The following SP140 variants were observed in gnomAD, a reference collection of about 807,000 sequenced individuals.
SP140 encodes nuclear body protein SP140.
Under a neutral mutation model 125.0 loss-of-function variants are expected in SP140, and 81 were observed. The observed-to-expected ratio is 0.65, with a 90% CI of 0.54 to 0.78. SP140 has a LOEUF of 0.78. Ranked by LOEUF, SP140 falls within the 30% of genes least tolerant of loss-of-function variation. The pLI is 0.00. For synonymous variants in SP140, 312 were observed against 354.0 expected (o/e 0.88, Z 1.33); for missense variants, 858 against 1,037.0 (o/e 0.83, Z 2.37).
rs527361399 is a variant in SP140 at position 230,217,592 on chromosome 2, C to T, written c.-91+3518C>T. Among the ~76,000 whole-genome samples, 7 of 152,306 alleles carry T rather than the reference C, an allele frequency of 4.6e-5. No individual in the cohort carries two copies. The East Asian group carries it at 1.3e-3, about 29-fold the overall frequency. ...TAACTTATCTGATTTTCATAAAACC[C>T]TTGCGAGGTGGTTCCTATGACTGCA... On this transcript the variant is annotated intron_variant, in intron 3 of 4. Transcript: ENST00000456542.
the SP140 span, among the ~76,000 whole-genome samples, chr2:230,196,478 A>C: frequency 1.3e-5 from 2 of 152,130 alleles, no homozygotes; most frequent in Non-Finnish European, 2.9e-5. Context: ...TACTTATACA[A>C]AAATAAAGTG....
intron 15 of SP140, among the ~76,000 whole-genome samples, chr2:230,278,066 C>T (rs984122650): frequency 1.3e-5 from 2 of 152,092 alleles, no homozygotes; most frequent in African/African-American, 4.8e-5. Flanking sequence ...ATACTGTTTT[C>T]CATAATGGCT....
chr2:230,241,461 C>A lies in SP140; in HGVS notation c.464C>A (p.Pro155His). Residue 155 changes from proline (P) to histidine (H), a missense_variant, in exon 4 of 27, where the codon CCC (proline) becomes CAC (histidine). Around this residue, in one of 4 missense-constraint regions of SP140, gnomAD observed 791 missense variants for 869.5 expected, o/e 0.91. Transcript: ENST00000392045. ...AATGTAAACGATTTAGAAGATAGAC[C>A]CAGATTACTACCATATGGTAAACAA... is the stretch of plus-strand genomic sequence containing the variant. The part of the protein sequence containing the change: ...MNNVNDLEDR[P>H]RLLPYGKQEN... The A allele has an allele frequency of 1.3e-6, 2 of 1,583,500 alleles. No individual in the cohort carries two copies. Among genetic ancestry groups the A allele is most frequent in the Non-Finnish European group, 1.7e-6 (2 of 1,152,210 alleles).
At chr2:230,249,698 T>C (rs2050060190) in intron 9 of SP140, among the ~76,000 whole-genome samples, 1 of 152,088 alleles carries the variant, frequency 6.6e-6, no homozygotes, top group Non-Finnish European at 1.5e-5. Flanking sequence ...GAAGAAATTA[T>C]GCAGAGAAAG....
intron 1 of SP140, among the ~76,000 whole-genome samples, chr2:230,230,780 G>A (rs540808421): frequency 3.2e-4 from 48 of 152,274 alleles, no homozygotes; most frequent in Admixed American, 5.2e-4. Context: ...TGAATCTGTG[G>A]TTTGTTGTCT....
At position 230,283,222 on chromosome 2, in the gene SP140, A is replaced by G. The variant is rs115610254; in HGVS notation, c.1499-1124A>G. Among the ~76,000 whole-genome samples the G allele has an allele frequency of 5.5e-3, 845 of 152,276 alleles. 11 individuals carry two copies. The highest frequency in any genetic ancestry group is 0.02 in the African/African-American group (811 of 41,554). On this transcript the variant is annotated intron_variant, in intron 15 of 26. Coordinates refer to ENST00000392045, the MANE Select transcript of SP140 (RefSeq NM_007237.5). The stretch of plus-strand genomic sequence containing the variant: ...ATCCTTGGGTTCTTCTGAAAGACAG[A>G]TATCACCAATGCTCCTGTTTTCTCC...
In SP140 at chr2:230,245,856, T is replaced by G. The variant is rs940497868; in HGVS notation, c.665-7T>G. On this transcript the variant is annotated splice_region_variant and splice_polypyrimidine_tract_variant and intron_variant, in intron 6 of 26. Transcript: ENST00000392045. Reference sequence around the variant, plus strand: ...ATTGTCTGTCATGTTCCTCTTTCACTCTGCAGTGTCCTGTAAACTTGCTAT... The same window carrying G: ...ATTGTCTGTCATGTTCCTCTTTCACGCTGCAGTGTCCTGTAAACTTGCTAT... 2 of 1,587,832 alleles carry G rather than the reference T, an allele frequency of 1.3e-6. No homozygotes were observed. The highest frequency in any genetic ancestry group is 1.3e-5 in the African/African-American group (1 of 74,676).
At position 230,292,030 on chromosome 2, in the gene SP140, A is replaced by G. The variant is rs183456128; in HGVS notation, c.1826-616A>G. Among the ~76,000 whole-genome samples the G allele has an allele frequency of 1.8e-3, 270 of 152,374 alleles. 8 individuals carry two copies. In the South Asian group the frequency reaches 0.029, roughly 16 times the overall value. On this transcript the variant is annotated intron_variant, in intron 19 of 26. Coordinates refer to ENST00000392045, the MANE Select transcript of SP140 (RefSeq NM_007237.5). ...TCCTTAATGGCTAATGGTGTTGAGC[A>G]TGTGACTATCTTTTACATATAAATT... is the stretch of plus-strand genomic sequence containing the variant.
chr2:230,315,442 T>C (rs2059478234), downstream of SP140, among the ~76,000 whole-genome samples: 1 of 152,104 alleles, frequency 6.6e-6, no homozygotes, highest in African/African-American at 2.4e-5. Flanking sequence ...TAGCCCCTGT[T>C]AGAGTATGTG....
chr2:230,255,966 C>T (rs191096123), intron 12 of SP140, among the ~76,000 whole-genome samples: 5 of 152,236 alleles, frequency 3.3e-5, no homozygotes, highest in East Asian at 3.9e-4. Flanking sequence ...GTCAGAAATA[C>T]GGTAGGAAGA....
chr2:230,186,369 G>C, the SP140 span, among the ~76,000 whole-genome samples: 1 of 152,182 alleles, frequency 6.6e-6, no homozygotes, highest in Non-Finnish European at 1.5e-5. Flanking sequence ...CACTAGTGTA[G>C]GGATTTGTGT....
chr2:230,202,810 C>A, upstream of SP140: 5 of 1,309,218 alleles, frequency 3.8e-6, no homozygotes, highest in Non-Finnish European at 5.5e-6. Context: ...GACTTCCCTT[C>A]TCATGCCCCT....
At position 230,288,509 on chromosome 2, in the gene SP140, CTTTCTTTCTTTCTTTT is replaced by C. The variant is rs1208447133; in HGVS notation, c.1720+547_1720+562del. On this transcript the variant is annotated intron_variant, in intron 18 of 26. Coordinates refer to ENST00000392045, the MANE Select transcript of SP140 (RefSeq NM_007237.5). ...TCTTTCTTTCTTTCTTTCTTTCTTT[CTTTCTTTCTTTCTTTT>C]TTTATTCTTTAAGTTCTGAGATACA... 7.8e-5 allele frequency among the ~76,000 whole-genome samples: 9 copies of C among 116,118 alleles called. 1 individual carries two copies. In the East Asian group the frequency reaches 2.0e-3, roughly 25 times the overall value. The allele number at this position is 116,118 out of a possible 152,430, so 76.2% of individuals were successfully genotyped here.
intron 5 of SP140, among the ~76,000 whole-genome samples, chr2:230,244,077 G>A (rs908321713): frequency 2.0e-5 from 3 of 152,078 alleles, no homozygotes; most frequent in Non-Finnish European, 4.4e-5. Flanking sequence ...GAATAAAAAC[G>A]ATTATTGTTT....
Position 230,269,865 on chromosome 2 carries a change from G to A in SP140, c.1356G>A (p.Glu452=). Residue 452 remains glutamate, a synonymous_variant, in exon 14 of 27, where the codon GAG becomes GAA. Transcript: ENST00000392045. ...PGAEQSAYEN[E]KCSCVMCFSE... ...CGGAGCAATCAGCATATGAAAATGA[G>A]AAGTGTTCCTGTGTCATGTGTTTCT... The A allele has an allele frequency of 7.4e-6, 12 of 1,614,060 alleles. No individual in the cohort carries two copies. The Middle Eastern group carries it at 2.0e-3, about 266-fold the overall frequency.
chr2:230,229,456 C>CTTTTTTTTT (rs1163771237), intron 1 of SP140, among the ~76,000 whole-genome samples: 6 of 57,602 alleles, frequency 1.0e-4, no homozygotes, highest in East Asian at 5.7e-4. Flanking sequence ...TGAAGAAATT[C>CTTTTTTTTT]TTTTTTTTTT....
chr2:230,215,934 C>G (rs2045116414), intron 3 of SP140, among the ~76,000 whole-genome samples: 1 of 152,180 alleles, frequency 6.6e-6, no homozygotes, highest in Non-Finnish European at 1.5e-5. Context: ...GAGGAGTGCT[C>G]TCTGGGCTGT....
chr2:230,208,114 ATGTCAATGATATTCAGCT>A lies in SP140; in HGVS notation c.-323+4837_-323+4854del, dbSNP rs2044079453. On this transcript the variant is annotated intron_variant, in intron 1 of 4. Coordinates refer to the SP140 transcript ENST00000456542. ...ACAAACATTGATCTCCCAATCTTGT[ATGTCAATGATATTCAGCT>A]TTTACTTTTGGTCTTCAAACCACAT... 9.1e-6 allele frequency: 9 copies of A among 993,378 alleles called. No homozygotes were observed. In the East Asian group the frequency reaches 2.1e-4, roughly 24 times the overall value. 61.5% of individuals were successfully genotyped at this position (993,378 alleles called of 1,614,324 possible). A position where few individuals can be genotyped will look rare whatever the true frequency, so the allele number is the denominator to read the frequency against.
At chr2:230,204,850 G>A (rs558190645) in intron 1 of SP140, among the ~76,000 whole-genome samples, 6 of 152,300 alleles carry the variant, frequency 3.9e-5, no homozygotes, top group African/African-American at 1.4e-4. Flanking sequence ...TTTATGGGGA[G>A]TAGTGTAGGT....
Sources: gnomAD v4.1 joint callset for allele counts (sites outside exome capture counted in the v4.1 genomes callset) on GRCh38, gnomAD v4.1.1 for gene constraint, gnomAD v4.1.1 regional missense constraint, MANE v1.5 for transcripts, NCBI Gene and HGNC (gene_info 2026-07-23, HGNC 2026-07-21) for gene names.